The following PHRF1 variants were observed in gnomAD, a reference collection of about 807,000 sequenced individuals.
The protein encoded by PHRF1 is PHD and RING finger domain-containing protein 1.
In PHRF1, 53 loss-of-function variants were observed where a neutral mutation model predicts 128.9. That is an observed-to-expected ratio of 0.41 (90% CI 0.33 to 0.52). The LOEUF is 0.52. Among genes scored for constraint, PHRF1 ranks in the 20% least tolerant of loss-of-function variants. The pLI is 0.21. For missense variants in PHRF1, 2,503 were observed against 2,284.5 expected, an observed-to-expected ratio of 1.10 and a Z score of -1.95; for synonymous variants, 1,178 against 980.6, an observed-to-expected ratio of 1.20 and a Z score of -3.76.
chr11:602,453 G>C (rs1343368231), intron 10 of PHRF1, among the ~76,000 whole-genome samples: 1 of 152,082 alleles, frequency 6.6e-6, no homozygotes, highest in Non-Finnish European at 1.5e-5. Context: ...GGCTGAGGCG[G>C]ACGGATCACC....
Position 612,067 on chromosome 11 carries a change from G to C in PHRF1, c.*290G>C. ...AATGGATTATCTTTAGAAACCTCTT[G>C]ATTGACTTACTACTTGGAAGATAAA... On this transcript the variant is annotated 3_prime_UTR_variant, in exon 18 of 18. Coordinates refer to ENST00000264555, the MANE Select transcript of PHRF1 (RefSeq NM_001286581.2). 1 of 462,082 alleles carries C rather than the reference G, an allele frequency of 2.2e-6. No individual in the cohort carries two copies. The highest frequency in any genetic ancestry group is 3.8e-6 in the Non-Finnish European group (1 of 262,502). The allele number at this position is 462,082 out of a possible 1,614,324, so 28.6% of individuals were successfully genotyped here.
chr11:592,982 C>G (rs1460350659), intron 6 of PHRF1, among the ~76,000 whole-genome samples: 1 of 152,222 alleles, frequency 6.6e-6, no homozygotes, highest in Admixed American at 6.5e-5. Context: ...TGTCCTGGTC[C>G]CGGCCTTTGT....
At chr11:600,062 G>A (rs1053012144) in intron 9 of PHRF1, among the ~76,000 whole-genome samples, 1 of 151,826 alleles carries the variant, frequency 6.6e-6, no homozygotes, top group Non-Finnish European at 1.5e-5. Flanking sequence ...GAGCTCATTT[G>A]TGTTAAAGTC....
chr11:606,387 G>A lies in PHRF1; in HGVS notation c.1455-55G>A, dbSNP rs529865987. 31 of 1,497,480 alleles carry A rather than the reference G, an allele frequency of 2.1e-5. No homozygotes were observed. In the South Asian group the frequency reaches 2.9e-4, roughly 14 times the overall value. 92.8% of individuals were successfully genotyped at this position (1,497,480 alleles called of 1,614,324 possible). A position where few individuals can be genotyped will look rare whatever the true frequency, so the allele number is the denominator to read the frequency against. On this transcript the variant is annotated intron_variant, in intron 12 of 17. Transcript: ENST00000264555. The stretch of plus-strand genomic sequence containing the variant: ...CTGCTGCGGGGCTCTGCCTGGGTGC[G>A]GGCCCTCAGGCCGTGGGAGGCAGTG...
At chr11:576,863 G>A (rs1304080952) in intron 1 of PHRF1, among the ~76,000 whole-genome samples, 1 of 92,936 alleles carries the variant, frequency 1.1e-5, no homozygotes, top group Non-Finnish European at 2.5e-5. Flanking sequence ...GCCGAGACTG[G>A]GAGGCCCCGC....
intron 9 of PHRF1, among the ~76,000 whole-genome samples, chr11:599,248 CTTTTCT>C (rs1855489546): frequency 1.6e-5 from 2 of 124,740 alleles, no homozygotes; most frequent in Admixed American, 1.6e-4. Flanking sequence ...TTTTTTTTTT[CTTTTCT>C]TTTTTTTTTT....
intron 4 of PHRF1, among the ~76,000 whole-genome samples, chr11:591,172 A>G (rs1854949125): frequency 6.6e-6 from 1 of 152,180 alleles, no homozygotes; most frequent in Non-Finnish European, 1.5e-5. Flanking sequence ...CTACGCGTTC[A>G]TGGAGCTGCT....
In PHRF1 at chr11:591,334, C is replaced by G. The variant is rs1476334771; in HGVS notation, c.421-50C>G. 1.1e-5 allele frequency: 17 copies of G among 1,500,514 alleles called. No individual in the cohort carries two copies. In the East Asian group the frequency reaches 2.6e-4, roughly 23 times the overall value. 92.9% of individuals were successfully genotyped at this position (1,500,514 alleles called of 1,614,324 possible). On this transcript the variant is annotated intron_variant, in intron 4 of 17. Coordinates refer to ENST00000264555, the MANE Select transcript of PHRF1 (RefSeq NM_001286581.2). ...TTCAGTGTAAAAGAATTTTTGATCT[C>G]TAAGTGAAAGTGATTGACAAGATTC...
intron 10 of PHRF1, among the ~76,000 whole-genome samples, chr11:603,524 G>A (rs553913338): frequency 2.0e-5 from 3 of 151,972 alleles, no homozygotes; most frequent in East Asian, 3.9e-4. Flanking sequence ...TGGTGGAGAC[G>A]GGGTCTCACT....
chr11:593,936 C>T (rs1855132723), intron 6 of PHRF1, among the ~76,000 whole-genome samples: 1 of 152,186 alleles, frequency 6.6e-6, no homozygotes, highest in African/African-American at 2.4e-5. Context: ...CTCAGGGTTC[C>T]TGGGAGCGTC....
rs747739682 is a variant in PHRF1 at position 605,655 on chromosome 11, G to C, written c.1385G>C (p.Arg462Pro). 1 of 1,613,666 alleles carries C rather than the reference G, an allele frequency of 6.2e-7. No homozygotes were observed. The highest frequency in any genetic ancestry group is 8.5e-7 in the Non-Finnish European group (1 of 1,179,884). Residue 462 changes from arginine to proline, a missense_variant, in exon 12 of 18, where the codon CGG (arginine) becomes CCG (proline). Transcript: ENST00000264555. Reference sequence around the variant, plus strand: ...CTTTCCCCTCTGAGTGCCAAGAGACGGGCTCTGTCCCGGTCAGCCCTGCAG... The same window carrying C: ...CTTTCCCCTCTGAGTGCCAAGAGACCGGCTCTGTCCCGGTCAGCCCTGCAG... The part of the protein sequence containing the change: ...NPLSPLSAKR[R>P]ALSRSALQSH...
rs1855393135 is a variant in PHRF1, at chr11:597,883, C to T, written c.894+313C>T. On this transcript the variant is annotated intron_variant, in intron 8 of 17. Coordinates refer to ENST00000264555, the MANE Select transcript of PHRF1 (RefSeq NM_001286581.2). This position sits in a 1 kb window ranked among gnomAD's most constrained non-coding sequence, Gnocchi z 6.5. The stretch of plus-strand genomic sequence containing the variant: ...ATGCCAGCACCGCTCCCTCTAGGCA[C>T]CTGTGAGCACCTTCCTCTTGCACTG... Among the ~76,000 whole-genome samples the T allele has an allele frequency of 1.3e-5, 2 of 152,324 alleles. No homozygotes were observed. Among genetic ancestry groups the T allele is most frequent in the African/African-American group, 4.8e-5 (2 of 41,576 alleles).
At chr11:600,254 C>CA (rs1331524595) in intron 9 of PHRF1, among the ~76,000 whole-genome samples, 1 of 141,684 alleles carries the variant, frequency 7.1e-6, no homozygotes, top group Non-Finnish European at 1.5e-5. Flanking sequence ...ATTTTTATTC[C>CA]TTTTTTTTTT....
chr11:582,110 C>T (rs773748041), intron 3 of PHRF1, 29 bp downstream of exon 3: 2 of 1,562,846 alleles, frequency 1.3e-6, no homozygotes, highest in African/African-American at 1.4e-5. Flanking sequence ...ACGCCGGCTC[C>T]TGTGTTTCCT....
In PHRF1 at chr11:608,235, G is replaced by T. The variant is rs766887906; in HGVS notation, c.2779G>T (p.Gly927Cys). Residue 927 changes from glycine (G) to cysteine (C), a missense_variant, in exon 14 of 18, where the codon GGC becomes TGC. By Grantham distance (159) the Gly-to-Cys change is radical. Transcript: ENST00000264555. ...TEREEPTESQGLAARLRRPSP... is the reference protein window; with the variant it reads ...TEREEPTESQCLAARLRRPSP... Reference sequence around the variant, plus strand: ...GCGAGAGGAGCCCACAGAGAGCCAGGGCCTGGCTGCCCGGCTGCGGAGGCC... The same window carrying T: ...GCGAGAGGAGCCCACAGAGAGCCAGTGCCTGGCTGCCCGGCTGCGGAGGCC... 4 of 1,609,830 alleles carry T rather than the reference G, an allele frequency of 2.5e-6. No individual in the cohort carries two copies. The African/African-American group carries it at 4.0e-5, about 16-fold the overall frequency.
intron 3 of PHRF1, among the ~76,000 whole-genome samples, chr11:586,918 G>C (rs1854600882): frequency 6.6e-6 from 1 of 152,200 alleles, no homozygotes; most frequent in Non-Finnish European, 1.5e-5. Context: ...AAATGAACCT[G>C]ATGGTCTCTG....
Position 611,816 on chromosome 11 carries a change from G to C in PHRF1, c.*39G>C, listed in dbSNP as rs766553174. ...CGGGCTATGCCCGGGGAGCTGTCGG[G>C]AGTGGCGGGAATCGGGGCCATGCCC... On this transcript the variant is annotated 3_prime_UTR_variant, in exon 18 of 18. Transcript: ENST00000264555. The C allele has an allele frequency of 1.7e-5, 26 of 1,556,004 alleles. No homozygotes were observed. The African/African-American group carries it at 3.3e-4, about 20-fold the overall frequency.
intron 3 of PHRF1, among the ~76,000 whole-genome samples, chr11:586,027 ATTTTTGTAT>A (rs1854537196): frequency 1.3e-5 from 2 of 151,816 alleles, no homozygotes; most frequent in Admixed American, 6.6e-5. Flanking sequence ...ACACCCGGCT[ATTTTTGTAT>A]TTTTTGTAGA....
intron 6 of PHRF1, among the ~76,000 whole-genome samples, chr11:594,162 CTG>C (rs1005303914): frequency 2.0e-5 from 3 of 152,212 alleles, no homozygotes; most frequent in Admixed American, 2.0e-4. Context: ...ATGTGTAGGA[CTG>C]GTCCTCTTTT....
Sources: gnomAD v4.1 joint callset for allele counts (sites outside exome capture counted in the v4.1 genomes callset) on GRCh38, gnomAD v4.1.1 for gene constraint, Gnocchi (gnomAD v3.1) non-coding constraint, MANE v1.5 for transcripts, NCBI Gene and HGNC (gene_info 2026-07-23, HGNC 2026-07-21) for gene names.